Variants in GC observed in about 807,000 individuals in gnomAD.
GC encodes the protein vitamin D-binding protein.
GC carries 43 observed loss-of-function variants against 56.7 expected under a neutral mutation model. The observed-to-expected ratio is 0.76, with a 90% confidence interval of 0.59 to 0.98. GC has a LOEUF of 0.98. Among genes scored for constraint, GC ranks in the 50% least tolerant of loss-of-function variants. GC has a pLI of 0.00. For synonymous variants in GC, 216 were observed against 202.7 expected (o/e 1.07, Z -0.56); for missense variants, 529 against 545.9 (o/e 0.97, Z 0.31).
chr4:71,794,426 T>A lies in GC; in HGVS notation c.21+9500A>T, dbSNP rs562659957. Among the ~76,000 whole-genome samples the A allele has an allele frequency of 1.1e-4, 17 of 152,342 alleles. No homozygotes were observed. In the South Asian group the frequency reaches 3.3e-3, roughly 30 times the overall value. On this transcript the variant is annotated intron_variant, in intron 1 of 13. Coordinates refer to the GC transcript ENST00000504199. ...AGAAATTTATCCATTTCTTCTATATTTTCTAGTTTATTTGCATAGAGGTGT... is the reference window on the plus strand; with the variant it reads ...AGAAATTTATCCATTTCTTCTATATATTCTAGTTTATTTGCATAGAGGTGT...
intron 1 of GC, among the ~76,000 whole-genome samples, chr4:71,774,094 T>C (rs1461397721): frequency 6.6e-6 from 1 of 151,986 alleles, no homozygotes; most frequent in Non-Finnish European, 1.5e-5. Context: ...ATGAAAAAGT[T>C]TGAGCTTGAG....
intron 12 of GC, among the ~76,000 whole-genome samples, chr4:71,742,264 A>C (rs1741206668): frequency 6.6e-6 from 1 of 152,222 alleles, no homozygotes; most frequent in South Asian, 2.1e-4. Flanking sequence ...ACAATAGTTG[A>C]GTAGTTTTAG....
At chr4:71,747,326 T>C (rs1741407864) in intron 11 of GC, among the ~76,000 whole-genome samples, 2 of 151,968 alleles carry the variant, frequency 1.3e-5, no homozygotes, top group East Asian at 3.9e-4. Flanking sequence ...AGCATAAGCA[T>C]TGATGAAAAC....
At chr4:71,770,373 C>T (rs761449378) in intron 1 of GC, among the ~76,000 whole-genome samples, 2 of 152,162 alleles carry the variant, frequency 1.3e-5, no homozygotes, top group African/African-American at 2.4e-5. Context: ...ACAGTTGGGT[C>T]TCTGTGTGGA....
rs183160155 is a variant in GC at position 71,778,193 on chromosome 4, C to T, written c.58+5768G>A. ...AAAAAGTTATGTAAGTTTCACTTCT[C>T]TAAGATGAAAAACACAATTTGTTAA... On this transcript the variant is annotated intron_variant, in intron 1 of 12. Coordinates refer to ENST00000273951, the MANE Select transcript of GC (RefSeq NM_000583.4). 1.6e-3 allele frequency among the ~76,000 whole-genome samples: 237 copies of T among 151,896 alleles called. 1 individual carries two copies. The highest frequency in any genetic ancestry group is 6.8e-3 in the Middle Eastern group (2 of 294).
intron 1 of GC, among the ~76,000 whole-genome samples, chr4:71,769,842 T>A (rs1259619747): frequency 6.6e-6 from 1 of 152,098 alleles, no homozygotes; most frequent in Non-Finnish European, 1.5e-5. Flanking sequence ...GAACTACAAA[T>A]AATTGGAGAC....
chr4:71,755,036 A>G lies in GC; in HGVS notation c.1106T>C (p.Leu369Pro), dbSNP rs1474316311. 1 of 1,600,784 alleles carries G rather than the reference A, an allele frequency of 6.2e-7. No homozygotes were observed. Among genetic ancestry groups the G allele is most frequent in the East Asian group, 2.2e-5 (1 of 44,622 alleles). Residue 369 changes from leucine (L) to proline (P), a missense_variant, in exon 9 of 13, where the codon CTA (leucine) becomes CCA (proline). By Grantham distance (98) the Leu-to-Pro change is moderately conservative. Coordinates refer to ENST00000273951, the MANE Select transcript of GC (RefSeq NM_000583.4). ...VFLSKVLEPT[L>P]KSLGECCDVE... The stretch of plus-strand genomic sequence containing the variant: ...ATCACAGCATTCACCAAGGCTTTTT[A>G]GGGTTGGCTCAAGTACCTTACTGAG...
upstream of GC, among the ~76,000 whole-genome samples, chr4:71,788,717 G>C (rs1742902297): frequency 6.7e-6 from 1 of 150,152 alleles, no homozygotes; most frequent in South Asian, 2.1e-4. Context: ...GAATGAGAAA[G>C]AAAGAAAGAA....
At chr4:71,796,251 G>A (rs991160967) in intron 1 of GC, among the ~76,000 whole-genome samples, 2 of 152,178 alleles carry the variant, frequency 1.3e-5, no homozygotes, top group East Asian at 1.9e-4. Context: ...ATATCCTTAA[G>A]AGTGTTTTCT....
At chr4:71,752,413 C>T in intron 11 of GC, 105 bp downstream of exon 11, 1 of 868,858 alleles carries the variant, frequency 1.2e-6, no homozygotes, top group Non-Finnish European at 1.8e-6. Flanking sequence ...CAGGAAAAGC[C>T]TGTCACATAA....
chr4:71,783,565 A>AT (rs1742753046), intron 1 of GC, among the ~76,000 whole-genome samples: 2 of 151,798 alleles, frequency 1.3e-5, no homozygotes, highest in Non-Finnish European at 2.9e-5. Flanking sequence ...ATGGTATATT[A>AT]CACTCAATGG....
At chr4:71,764,032 G>C (rs1578296668) in intron 4 of GC, 96 bp from the exon 5 acceptor site, 15 of 904,894 alleles carry the variant, frequency 1.7e-5, no homozygotes, top group East Asian at 4.9e-5. Context: ...ATCTAGGCTG[G>C]AGTACATGGT....
At chr4:71,746,530 C>A (rs966361246) in intron 11 of GC, among the ~76,000 whole-genome samples, 1 of 151,818 alleles carries the variant, frequency 6.6e-6, no homozygotes, top group African/African-American at 2.4e-5. Flanking sequence ...GAATTCTCAG[C>A]GGAGCAGATG....
Position 71,801,202 on chromosome 4 carries a change from C to G in GC, c.21+2724G>C, listed in dbSNP as rs544615775. Among the ~76,000 whole-genome samples, 155 of 152,276 alleles carry G rather than the reference C, an allele frequency of 1.0e-3. No individual in the cohort carries two copies. The South Asian group carries it at 0.013, about 13-fold the overall frequency. On this transcript the variant is annotated intron_variant, in intron 1 of 13. Coordinates refer to the GC transcript ENST00000504199. ...TAGATATTTCTCTAGGGAAGATACA[C>G]AAATCCAATAGGCACATGGAGGAGT...
chr4:71,770,130 TG>T (rs1243874535), intron 1 of GC, among the ~76,000 whole-genome samples: 2 of 152,094 alleles, frequency 1.3e-5, no homozygotes, highest in African/African-American at 4.8e-5. Context: ...TCTTGGAATT[TG>T]GGGTGTAATG....
chr4:71,774,221 T>C (rs1379792677), intron 1 of GC, among the ~76,000 whole-genome samples: 1 of 152,022 alleles, frequency 6.6e-6, no homozygotes, highest in African/African-American at 2.4e-5. Flanking sequence ...TGCAACAAAT[T>C]GAGCGTCCTT....
chr4:71,744,983 G>A (rs1741314296), intron 12 of GC, among the ~76,000 whole-genome samples: 1 of 152,138 alleles, frequency 6.6e-6, no homozygotes. Flanking sequence ...GTATACCAGA[G>A]CACAAAAATA....
At chr4:71,774,365 T>C (rs780123849) in intron 1 of GC, among the ~76,000 whole-genome samples, 1 of 152,028 alleles carries the variant, frequency 6.6e-6, no homozygotes, top group Non-Finnish European at 1.5e-5. Flanking sequence ...TGGGTTCACC[T>C]CGGGTGGTAG....
At chr4:71,770,716 T>C (rs541975197) in intron 1 of GC, among the ~76,000 whole-genome samples, 1 of 152,306 alleles carries the variant, frequency 6.6e-6, no homozygotes, top group Middle Eastern at 3.4e-3. Context: ...CAGGTATCTG[T>C]GTCTTCCTTT....
Sources: allele counts gnomAD v4.1 joint callset (sites outside exome capture counted in the v4.1 genomes callset), GRCh38; gene constraint gnomAD v4.1.1; transcripts MANE v1.5; gene names NCBI Gene and HGNC (gene_info 2026-07-23, HGNC 2026-07-21).